NEGR1: variants seen among roughly 807,000 people sequenced by gnomAD.
The protein encoded by NEGR1 is neuronal growth regulator 1, also known as IgLON family member 4.
A neutral mutation model predicts 40.9 loss-of-function variants in NEGR1; 10 were observed. The observed-to-expected ratio is 0.24, with a 90% CI of 0.15 to 0.42. The LOEUF (loss-of-function observed/expected upper bound fraction) is 0.42, where lower values mean the gene tolerates loss of function less well. Ranked by LOEUF, NEGR1 falls within the 10% of genes least tolerant of loss-of-function variation. The pLI is 1.00. For missense variants in NEGR1, 352 were observed against 438.9 expected (o/e 0.80, Z 1.77); for synonymous variants, 185 against 166.8 (o/e 1.11, Z -0.84).
chr1:71,682,654 G>A (rs1652877159), intron 4 of NEGR1, among the ~76,000 whole-genome samples: 1 of 152,160 alleles, frequency 6.6e-6, no homozygotes, highest in African/African-American at 2.4e-5. Flanking sequence ...ATGTGGATAT[G>A]TGGCTATGAT....
intron 2 of NEGR1, among the ~76,000 whole-genome samples, chr1:71,860,252 G>T (rs1047096229): frequency 6.6e-6 from 1 of 151,260 alleles, no homozygotes; most frequent in African/African-American, 2.4e-5. Context: ...GACAATATAC[G>T]CTTGCTTGCT....
intron 1 of NEGR1, among the ~76,000 whole-genome samples, chr1:72,181,522 C>T (rs991040617): frequency 1.3e-5 from 2 of 152,048 alleles, no homozygotes; most frequent in African/African-American, 4.8e-5. Flanking sequence ...AATAAACAAG[C>T]AAACATAGAA....
intron 1 of NEGR1, among the ~76,000 whole-genome samples, chr1:72,000,778 C>T (rs1378121104): frequency 6.6e-6 from 1 of 152,106 alleles, no homozygotes; most frequent in African/African-American, 2.4e-5. Context: ...TTATTTTACG[C>T]TATCACTGTC....
intron 6 of NEGR1, among the ~76,000 whole-genome samples, chr1:71,540,826 C>G (rs12095940): frequency 6.6e-6 from 1 of 151,528 alleles, no homozygotes; most frequent in African/African-American, 2.4e-5. Flanking sequence ...ATACAGGAAG[C>G]GTGGCACTGG....
intron 1 of NEGR1, among the ~76,000 whole-genome samples, chr1:72,110,221 T>TAAAAAAAAA (rs57618301): frequency 2.2e-4 from 23 of 106,932 alleles, no homozygotes; most frequent in African/African-American, 7.6e-4. Context: ...TAGAGTATAA[T>TAAAAAAAAA]AAAAAAAAAA....
chr1:72,096,159 A>G (rs1648688507), intron 1 of NEGR1, among the ~76,000 whole-genome samples: 1 of 152,142 alleles, frequency 6.6e-6, no homozygotes, highest in Non-Finnish European at 1.5e-5. Context: ...AAATACACCA[A>G]ATAACTAGAA....
intron 6 of NEGR1, among the ~76,000 whole-genome samples, chr1:71,552,254 T>G (rs1221772075): frequency 6.6e-6 from 1 of 151,148 alleles, no homozygotes; most frequent in Non-Finnish European, 1.5e-5. Flanking sequence ...CTTCCTTAAC[T>G]CTAATGTTTT....
intron 1 of NEGR1, among the ~76,000 whole-genome samples, chr1:72,008,309 T>C (rs1041512685): frequency 2.0e-5 from 3 of 152,116 alleles, no homozygotes; most frequent in Non-Finnish European, 2.9e-5. Context: ...CTAACTCCCA[T>C]GGTGCTGCTC....
chr1:72,030,779 C>G (rs931704660), intron 1 of NEGR1, among the ~76,000 whole-genome samples: 1 of 152,032 alleles, frequency 6.6e-6, no homozygotes, highest in Non-Finnish European at 1.5e-5. Context: ...GCCGGATACC[C>G]TTGGAAAAGA....
At chr1:72,203,752 A>T in intron 1 of NEGR1, among the ~76,000 whole-genome samples, 1 of 152,058 alleles carries the variant, frequency 6.6e-6, no homozygotes. Context: ...ATTTGAAGAA[A>T]TTTCCCCAGC....
At chr1:72,171,092 TAAG>T (rs1651947134) in intron 1 of NEGR1, among the ~76,000 whole-genome samples, 1 of 152,136 alleles carries the variant, frequency 6.6e-6, no homozygotes, top group South Asian at 2.1e-4. Flanking sequence ...TAGGCCTTGT[TAAG>T]AAGAACACAA....
intron 2 of NEGR1, among the ~76,000 whole-genome samples, chr1:71,923,664 AGAG>A (rs1327024730): frequency 2.0e-5 from 3 of 152,118 alleles, no homozygotes; most frequent in South Asian, 2.1e-4. Flanking sequence ...TGGAGTTTCT[AGAG>A]GAGATTTCAT....
At chr1:72,013,781 T>C (rs1485700247) in intron 1 of NEGR1, among the ~76,000 whole-genome samples, 1 of 151,210 alleles carries the variant, frequency 6.6e-6, no homozygotes, top group Non-Finnish European at 1.5e-5. Context: ...GTGAACAAAG[T>C]TTTTCAAACA....
At position 71,580,365 on chromosome 1, in the gene NEGR1, A is replaced by C. The variant is rs562372165; in HGVS notation, c.940+12452T>G. The stretch of plus-strand genomic sequence containing the variant: ...GAGATATACCTAATGCTAGATGACG[A>C]GTTAGTGGGTGCAGCGCACCAGCAT... On this transcript the variant is annotated intron_variant, in intron 6 of 6. Coordinates refer to ENST00000357731, the MANE Select transcript of NEGR1 (RefSeq NM_173808.3). Among the ~76,000 whole-genome samples the C allele has an allele frequency of 4.2e-3, 635 of 151,846 alleles. 5 individuals carry two copies. Among genetic ancestry groups the C allele is most frequent in the African/African-American group, 0.014 (577 of 41,348 alleles).
intron 4 of NEGR1, among the ~76,000 whole-genome samples, chr1:71,648,677 C>T (rs1570149547): frequency 6.6e-6 from 1 of 152,090 alleles, no homozygotes; most frequent in Middle Eastern, 3.4e-3. Flanking sequence ...TCCCTTCCCA[C>T]TCTAAAGATC....
chr1:71,903,166 T>G (rs1049332803), intron 2 of NEGR1, among the ~76,000 whole-genome samples: 3 of 152,014 alleles, frequency 2.0e-5, no homozygotes, highest in African/African-American at 4.8e-5. Flanking sequence ...AGACTTCCAT[T>G]ATTATAACTC....
intron 6 of NEGR1, among the ~76,000 whole-genome samples, chr1:71,523,203 C>T (rs1001838827): frequency 7.9e-5 from 12 of 151,588 alleles, no homozygotes; most frequent in African/African-American, 2.9e-4. Flanking sequence ...ATGGGAGGAG[C>T]CAATGAGCAG....
chr1:72,131,736 C>T (rs1650258820), intron 1 of NEGR1, among the ~76,000 whole-genome samples: 1 of 152,102 alleles, frequency 6.6e-6, no homozygotes, highest in South Asian at 2.1e-4. Context: ...ACTACATATG[C>T]ATTTACAGGT....
intron 1 of NEGR1, among the ~76,000 whole-genome samples, chr1:72,226,058 G>C (rs17092475): frequency 6.1e-4 from 93 of 151,798 alleles, no homozygotes; most frequent in African/African-American, 2.1e-3. Context: ...CACTGTAATC[G>C]AAATAGCCAT....
Sources: gnomAD v4.1 joint callset for allele counts (sites outside exome capture counted in the v4.1 genomes callset) on GRCh38, gnomAD v4.1.1 for gene constraint, MANE v1.5 for transcripts, NCBI Gene and HGNC (gene_info 2026-07-23, HGNC 2026-07-21) for gene names.